The following AGBL4 variants were observed in gnomAD, a reference collection of about 807,000 sequenced individuals.
The protein encoded by AGBL4 is AGBL carboxypeptidase 4, also known as cytosolic carboxypeptidase 6.
A neutral mutation model predicts 66.4 loss-of-function variants in AGBL4; 58 were observed. The ratio of observed to expected loss-of-function variants is 0.87; its 90% CI spans 0.71 to 1.09. The LOEUF is 1.09. Among genes scored for constraint, AGBL4 ranks in the 50% least tolerant of loss-of-function variants. AGBL4 has a pLI of 0.00. For synonymous variants in AGBL4, 234 were observed against 222.9 expected, an observed-to-expected ratio of 1.05 and a Z score of -0.44; for missense variants, 579 against 631.0, an observed-to-expected ratio of 0.92 and a Z score of 0.88.
intron 3 of AGBL4, among the ~76,000 whole-genome samples, chr1:49,357,372 C>T (rs776018454): frequency 3.3e-4 from 50 of 152,298 alleles, no homozygotes; most frequent in Admixed American, 9.8e-4. Flanking sequence ...CTGCAACTTA[C>T]ATCCAGACCC....
intron 3 of AGBL4, among the ~76,000 whole-genome samples, chr1:49,331,676 G>A (rs1645337313): frequency 6.6e-6 from 1 of 152,102 alleles, no homozygotes; most frequent in South Asian, 2.1e-4. Context: ...AGAGCCCGGC[G>A]GGAGAGGCAG....
At chr1:48,690,548 C>T (rs1452040766) in intron 6 of AGBL4, among the ~76,000 whole-genome samples, 9 of 152,134 alleles carry the variant, frequency 5.9e-5, no homozygotes, top group African/African-American at 1.9e-4. Context: ...GGCTGAGTCC[C>T]ACTAAGGGTC....
At chr1:49,588,725 C>T (rs554023112) in intron 3 of AGBL4, among the ~76,000 whole-genome samples, 1 of 152,268 alleles carries the variant, frequency 6.6e-6, no homozygotes, top group Non-Finnish European at 1.5e-5. Flanking sequence ...CCACATACTA[C>T]ATACTAGGTA....
At chr1:49,786,319 T>C (rs1302187223) in intron 2 of AGBL4, among the ~76,000 whole-genome samples, 4 of 152,142 alleles carry the variant, frequency 2.6e-5, no homozygotes, top group African/African-American at 9.7e-5. Context: ...TGCTGCATAA[T>C]ACAATTATCT....
intron 5 of AGBL4, among the ~76,000 whole-genome samples, chr1:49,039,770 C>G (rs1643894734): frequency 6.6e-6 from 1 of 152,020 alleles, no homozygotes; most frequent in African/African-American, 2.4e-5. Context: ...TCATTGTGGC[C>G]TTCTGTTAGA....
At chr1:49,905,862 T>C (rs1650221856) in intron 1 of AGBL4, among the ~76,000 whole-genome samples, 1 of 152,078 alleles carries the variant, frequency 6.6e-6, no homozygotes. Flanking sequence ...ATAACACCAC[T>C]TACTTCTTGA....
chr1:49,439,238 T>C (rs1268560575), intron 3 of AGBL4, among the ~76,000 whole-genome samples: 5 of 152,072 alleles, frequency 3.3e-5, no homozygotes. Context: ...AGTGCAAAAC[T>C]TGAGAAAGTA....
chr1:49,675,383 A>C (rs1194936112), intron 3 of AGBL4, among the ~76,000 whole-genome samples: 1 of 152,052 alleles, frequency 6.6e-6, no homozygotes, highest in South Asian at 2.1e-4. Context: ...ACACATGAAC[A>C]TACAGAGGGA....
intron 6 of AGBL4, among the ~76,000 whole-genome samples, chr1:48,768,889 T>C (rs1644665500): frequency 6.6e-6 from 1 of 152,154 alleles, no homozygotes. Flanking sequence ...CTCTGGCCGA[T>C]GGTGTTTGTT....
chr1:49,664,988 A>G (rs1646335868), intron 3 of AGBL4, among the ~76,000 whole-genome samples: 1 of 152,184 alleles, frequency 6.6e-6, no homozygotes, highest in Non-Finnish European at 1.5e-5. Context: ...TGTGTAATGC[A>G]GAAGTGATTT....
intron 4 of AGBL4, among the ~76,000 whole-genome samples, chr1:49,183,593 C>A (rs972405517): frequency 6.6e-6 from 1 of 152,144 alleles, no homozygotes; most frequent in Non-Finnish European, 1.5e-5. Flanking sequence ...GAGGTGAAGT[C>A]CAAATGTCTT....
chr1:48,829,877 A>C (rs556231676), intron 6 of AGBL4, among the ~76,000 whole-genome samples: 42 of 152,302 alleles, frequency 2.8e-4, no homozygotes, highest in African/African-American at 9.6e-4. Context: ...TTATCAAAAT[A>C]CATTTTTTTT....
chr1:48,634,332 C>T (rs1301666290), intron 9 of AGBL4, 161 bp downstream of exon 9: 2 of 535,340 alleles, frequency 3.7e-6, no homozygotes, highest in Non-Finnish European at 6.7e-6. Flanking sequence ...GGGAGAAGGT[C>T]CTTGGGTCTG....
At chr1:48,540,413 T>C in intron 11 of AGBL4, among the ~76,000 whole-genome samples, 1 of 152,176 alleles carries the variant, frequency 6.6e-6, no homozygotes, top group East Asian at 1.9e-4. Context: ...ATCTTCTCTG[T>C]GCATTATAGC....
At chr1:48,568,062 A>C (rs11802042) in intron 11 of AGBL4, among the ~76,000 whole-genome samples, 19,788 of 152,122 alleles carry the variant, frequency 0.13, 1,408 homozygotes, top group Middle Eastern at 0.2. Flanking sequence ...GTGACTTGAA[A>C]AGCTCAGTTT....
chr1:48,708,816 C>G (rs1646918884), intron 6 of AGBL4, among the ~76,000 whole-genome samples: 1 of 152,154 alleles, frequency 6.6e-6, no homozygotes, highest in South Asian at 2.1e-4. Context: ...CCCCACTGGC[C>G]ACCTCCCTCT....
chr1:48,599,125 G>T (rs1439621362), intron 9 of AGBL4, among the ~76,000 whole-genome samples: 1 of 152,108 alleles, frequency 6.6e-6, no homozygotes, highest in East Asian at 1.9e-4. Context: ...GGTCTTCAGG[G>T]ACAATAACAT....
chr1:49,073,689 C>T (rs528755401), intron 4 of AGBL4, among the ~76,000 whole-genome samples: 1 of 152,252 alleles, frequency 6.6e-6, no homozygotes, highest in South Asian at 2.1e-4. Context: ...GTCTGTTGGC[C>T]CCTACTGGGA....
chr1:49,886,278 G>A (rs934491213), intron 1 of AGBL4, among the ~76,000 whole-genome samples: 12 of 152,118 alleles, frequency 7.9e-5, no homozygotes, highest in African/African-American at 2.9e-4. Context: ...CAGAGAAGCA[G>A]CATCTATGCC....
Sources: allele counts gnomAD v4.1 joint callset (sites outside exome capture counted in the v4.1 genomes callset), GRCh38; gene constraint gnomAD v4.1.1; transcripts MANE v1.5; gene names NCBI Gene and HGNC (gene_info 2026-07-23, HGNC 2026-07-21).